SHISAL2A: variants seen among roughly 807,000 people sequenced by gnomAD.
The protein encoded by SHISAL2A is shisa like 2A.
Under a neutral mutation model 11.5 loss-of-function variants are expected in SHISAL2A, and 18 were observed. That is an observed-to-expected ratio of 1.57 (90% CI 1.08 to 2.33). The LOEUF is 2.33. Ranked by LOEUF, SHISAL2A falls within the 30% of genes most tolerant of loss-of-function variation. The pLI, the probability that SHISAL2A is intolerant of heterozygous loss-of-function variation, is 0.00. For missense variants in SHISAL2A, 261 were observed against 250.9 expected, an observed-to-expected ratio of 1.04 and a Z score of -0.27; for synonymous variants, 94 against 99.6, an observed-to-expected ratio of 0.94 and a Z score of 0.34.
At chr1:52,644,168 T>C (rs1042109756) in intron 2 of SHISAL2A, among the ~76,000 whole-genome samples, 2 of 152,186 alleles carry the variant, frequency 1.3e-5, no homozygotes, top group Admixed American at 6.5e-5. Flanking sequence ...TGTGCAAGTA[T>C]ATAACTAAGC....
intron 4 of SHISAL2A, among the ~76,000 whole-genome samples, chr1:52,666,006 A>G (rs1034454619): frequency 2.6e-5 from 4 of 152,130 alleles, no homozygotes; most frequent in African/African-American, 9.7e-5. Flanking sequence ...GGCCACCACT[A>G]TTTACAGGGT....
chr1:52,656,660 T>A (rs1394888499), intron 2 of SHISAL2A, 130 bp from the exon 3 acceptor site: 2 of 984,130 alleles, frequency 2.0e-6, no homozygotes, highest in African/African-American at 1.6e-5. Flanking sequence ...AAATACATGT[T>A]AAACAAATGA....
At chr1:52,663,854 C>A (rs989457159) in intron 4 of SHISAL2A, among the ~76,000 whole-genome samples, 1 of 152,220 alleles carries the variant, frequency 6.6e-6, no homozygotes, top group South Asian at 2.1e-4. Context: ...TGACTTAAAT[C>A]TATTCTTGGA....
At chr1:52,661,114 G>A (rs1329996472), downstream of SHISAL2A, among the ~76,000 whole-genome samples, 1 of 152,178 alleles carries the variant, frequency 6.6e-6, no homozygotes, top group East Asian at 1.9e-4. Context: ...AGGTGGGAAT[G>A]GTGAAAGATG....
At chr1:52,645,487 C>T (rs1389508815) in intron 2 of SHISAL2A, among the ~76,000 whole-genome samples, 1 of 151,458 alleles carries the variant, frequency 6.6e-6, no homozygotes, top group African/African-American at 2.4e-5. Flanking sequence ...TGGCTCACTG[C>T]AGCCTTGCAC....
chr1:52,658,754 T>C (rs1691848268), downstream of SHISAL2A, among the ~76,000 whole-genome samples: 1 of 152,278 alleles, frequency 6.6e-6, no homozygotes. Context: ...ACTTTGGCGA[T>C]GGCTTTTAGG....
Position 52,633,472 on chromosome 1 carries a change from G to A in SHISAL2A, c.-22G>A. ...CGGCCGTCTGGTGGCCCGAGGTGGC[G>A]GCGGGCTGGGCGCGGGGCGCGATGA... On this transcript the variant is annotated 5_prime_UTR_variant, in exon 1 of 3. Coordinates refer to ENST00000517870, the MANE Select transcript of SHISAL2A (RefSeq NM_001042693.3). The surrounding 1 kb of genome is among the most constrained non-coding windows in gnomAD (Gnocchi z 6.4). 3 of 1,463,120 alleles carry A rather than the reference G, an allele frequency of 2.1e-6. No homozygotes were observed. The highest frequency in any genetic ancestry group is 2.7e-6 in the Non-Finnish European group (3 of 1,115,924). The allele number at this position is 1,463,120 out of a possible 1,614,324, so 90.6% of individuals were successfully genotyped here. A position where few individuals can be genotyped will look rare whatever the true frequency, so the allele number is the denominator to read the frequency against.
chr1:52,654,363 G>A (rs1691743914), intron 2 of SHISAL2A, among the ~76,000 whole-genome samples: 1 of 152,110 alleles, frequency 6.6e-6, no homozygotes, highest in Middle Eastern at 3.2e-3. Context: ...TAATGAAGTT[G>A]GAGGAAATCA....
intron 2 of SHISAL2A, among the ~76,000 whole-genome samples, chr1:52,650,643 C>CT (rs35001247): frequency 0.51 from 55,353 of 107,918 alleles, 15,978 homozygotes; most frequent in East Asian, 0.67. Flanking sequence ...TTTTAAAACC[C>CT]TTTTTTTTTT....
In SHISAL2A at chr1:52,633,205, C is replaced by A. The variant is rs1691164354; in HGVS notation, c.-289C>A. 1 of 258,560 alleles carries A rather than the reference C, an allele frequency of 3.9e-6. No individual in the cohort carries two copies. The highest frequency in any genetic ancestry group is 7.2e-6 in the Non-Finnish European group (1 of 138,334). 16.0% of individuals were successfully genotyped at this position (258,560 alleles called of 1,614,324 possible). A position where few individuals can be genotyped will look rare whatever the true frequency, so the allele number is the denominator to read the frequency against. ...GCACGCGGCTCCCGGCCCAGCTCCC[C>A]GCGTCCGCTCCGGCTCCTGCCGCGT... is the stretch of plus-strand genomic sequence containing the variant. On this transcript the variant is annotated 5_prime_UTR_variant, in exon 1 of 3. Transcript: ENST00000517870. This position sits in a 1 kb window ranked among gnomAD's most constrained non-coding sequence, Gnocchi z 6.4.
exon 6 of SHISAL2A, chr1:52,669,148 T>TG (rs1692064624): frequency 6.6e-6 from 1 of 151,150 alleles, no homozygotes; most frequent in East Asian, 2.0e-4. Flanking sequence ...ATCTTTTTTT[T>TG]TTTTTTTTTT....
chr1:52,661,422 G>C (rs926288136), downstream of SHISAL2A, among the ~76,000 whole-genome samples: 12 of 152,170 alleles, frequency 7.9e-5, no homozygotes, highest in Non-Finnish European at 1.6e-4. Flanking sequence ...CTCCGGTCAG[G>C]GGGAGGCCAT....
rs1305001656 is a variant in SHISAL2A at position 52,654,258 on chromosome 1, T to TAGATAGATAGAC, written c.323-2529_323-2528insTAGATAGACAGA. Among the ~76,000 whole-genome samples, 617 of 151,116 alleles carry TAGATAGATAGAC rather than the reference T, an allele frequency of 4.1e-3. 6 individuals are homozygous for TAGATAGATAGAC. The highest frequency in any genetic ancestry group is 0.014 in the African/African-American group (573 of 40,940). On this transcript the variant is annotated intron_variant, in intron 2 of 2. Coordinates refer to ENST00000517870, the MANE Select transcript of SHISAL2A (RefSeq NM_001042693.3). ...ATAGATAGATAGATAGATAGATAGA[T>TAGATAGATAGAC]AGACAGATAGATAGATAGATAGATA...
intron 2 of SHISAL2A, among the ~76,000 whole-genome samples, chr1:52,648,025 A>C (rs1414573368): frequency 1.4e-5 from 2 of 148,010 alleles, no homozygotes; most frequent in Non-Finnish European, 3.0e-5. Context: ...TTTACAGAGA[A>C]TTTTGGCAAT....
upstream of SHISAL2A, among the ~76,000 whole-genome samples, chr1:52,633,032 C>T (rs943586275): frequency 6.6e-6 from 1 of 152,024 alleles, no homozygotes; most frequent in Non-Finnish European, 1.5e-5. The surrounding 1 kb of genome is among the most constrained non-coding windows in gnomAD (Gnocchi z 6.4). Flanking sequence ...GGCGCCGGCT[C>T]GGTGCAGGTA....
intron 4 of SHISAL2A, among the ~76,000 whole-genome samples, chr1:52,664,522 A>AT (rs1691971926): frequency 7.1e-6 from 1 of 141,528 alleles, no homozygotes; most frequent in South Asian, 2.3e-4. Flanking sequence ...TGCCCGGCTA[A>AT]TTTTTTTGTA....
chr1:52,662,399 C>T (rs775478865), intron 4 of SHISAL2A, among the ~76,000 whole-genome samples: 96 of 151,768 alleles, frequency 6.3e-4, no homozygotes, highest in Non-Finnish European at 9.6e-4. Flanking sequence ...GGCTGGAGTG[C>T]GATGTCTCAA....
Position 52,633,492 on chromosome 1 carries a change from C to G in SHISAL2A, c.-2C>G. The G allele has an allele frequency of 6.7e-7, 1 of 1,497,992 alleles. No individual in the cohort carries two copies. Among genetic ancestry groups the G allele is most frequent in the Non-Finnish European group, 8.8e-7 (1 of 1,130,388 alleles). The allele number at this position is 1,497,992 out of a possible 1,614,324, so 92.8% of individuals were successfully genotyped here. ...GTGGCGGCGGGCTGGGCGCGGGGCG[C>G]GATGAGCGGCGCCTGCACGAGCTAC... On this transcript the variant is annotated 5_prime_UTR_variant, in exon 1 of 3. Transcript: ENST00000517870. The surrounding 1 kb of genome is among the most constrained non-coding windows in gnomAD (Gnocchi z 6.4).
intron 2 of SHISAL2A, among the ~76,000 whole-genome samples, chr1:52,650,227 G>C (rs1205085647): frequency 2.0e-5 from 3 of 152,166 alleles, no homozygotes; most frequent in Non-Finnish European, 4.4e-5. Flanking sequence ...CTCCAAGCAG[G>C]GGGAAAACCT....
Sources: gnomAD v4.1 joint callset for allele counts (sites outside exome capture counted in the v4.1 genomes callset) on GRCh38, gnomAD v4.1.1 for gene constraint, Gnocchi (gnomAD v3.1) non-coding constraint, MANE v1.5 for transcripts, NCBI Gene and HGNC (gene_info 2026-07-23, HGNC 2026-07-21) for gene names.